The following SLC25A31 variants were observed in gnomAD, a reference collection of about 807,000 sequenced individuals.
SLC25A31 encodes ADP/ATP translocase 4.
A neutral mutation model predicts 36.2 loss-of-function variants in SLC25A31; 40 were observed. The observed-to-expected ratio is 1.10, with a 90% confidence interval of 0.86 to 1.44. The LOEUF (loss-of-function observed/expected upper bound fraction) is 1.44, where lower values mean the gene tolerates loss of function less well. SLC25A31 is among the 40% of genes most tolerant of loss of function. The pLI, the probability that SLC25A31 is intolerant of heterozygous loss-of-function variation, is 0.00. For synonymous variants in SLC25A31, 143 were observed against 149.7 expected (o/e 0.96, Z 0.32); for missense variants, 350 against 397.1 (o/e 0.88, Z 1.01).
rs185874606 is a variant in SLC25A31 at position 127,757,967 on chromosome 4, G to A, written c.361-6276G>A. 9.7e-4 allele frequency among the ~76,000 whole-genome samples: 147 copies of A among 152,240 alleles called. 2 individuals are homozygous for A. Among genetic ancestry groups the A allele is most frequent in the African/African-American group, 3.4e-3 (140 of 41,550 alleles). On this transcript the variant is annotated intron_variant, in intron 2 of 5. Coordinates refer to ENST00000281154, the MANE Select transcript of SLC25A31 (RefSeq NM_031291.4). ...TTGGACTTACAGTTCCACATGGCTGGGGAGGCCTCAGAATCGTGGTGGGTG... is the reference window on the plus strand; with the variant it reads ...TTGGACTTACAGTTCCACATGGCTGAGGAGGCCTCAGAATCGTGGTGGGTG...
At chr4:127,737,647 GGT>G (rs1731657742) in intron 1 of SLC25A31, among the ~76,000 whole-genome samples, 1 of 151,638 alleles carries the variant, frequency 6.6e-6, no homozygotes, top group African/African-American at 2.4e-5. Flanking sequence ...CTGGAGTTTT[GGT>G]GTTCAAGAAC....
chr4:127,766,748 C>A (rs1197849722), intron 3 of SLC25A31, among the ~76,000 whole-genome samples: 1 of 152,222 alleles, frequency 6.6e-6, no homozygotes, highest in Non-Finnish European at 1.5e-5. Flanking sequence ...CAGGCATGAA[C>A]CATCTCACCT....
At chr4:127,771,602 T>G (rs1732362383) in intron 5 of SLC25A31, among the ~76,000 whole-genome samples, 1 of 152,224 alleles carries the variant, frequency 6.6e-6, no homozygotes, top group Non-Finnish European at 1.5e-5. Context: ...TTATTTCTCT[T>G]TCTTGCCTTT....
chr4:127,751,488 A>G (rs1171221944), intron 2 of SLC25A31, among the ~76,000 whole-genome samples: 4 of 152,200 alleles, frequency 2.6e-5, no homozygotes, highest in African/African-American at 4.8e-5. Flanking sequence ...AACCTAGGCA[A>G]TACCATTCTG....
intron 2 of SLC25A31, among the ~76,000 whole-genome samples, chr4:127,746,260 A>T (rs765645335): frequency 6.6e-5 from 10 of 152,206 alleles, no homozygotes; most frequent in Non-Finnish European, 1.5e-4. Context: ...TAGTGCTACA[A>T]TGAACATTCA....
Position 127,770,030 on chromosome 4 carries a change from T to C in SLC25A31, c.759+1153T>C, listed in dbSNP as rs375121363. ...AAATTCTCAAAACACTGAGGTGTAGTTCCTATCATTATCCTCATTTTTATT... is the reference window on the plus strand; with the variant it reads ...AAATTCTCAAAACACTGAGGTGTAGCTCCTATCATTATCCTCATTTTTATT... On this transcript the variant is annotated intron_variant, in intron 5 of 5. Coordinates refer to ENST00000281154, the MANE Select transcript of SLC25A31 (RefSeq NM_031291.4). Among the ~76,000 whole-genome samples the C allele has an allele frequency of 5.9e-5, 9 of 152,326 alleles. No homozygotes were observed. In the East Asian group the frequency reaches 7.7e-4, roughly 13 times the overall value.
rs1362718828 is a variant in SLC25A31 at position 127,744,769 on chromosome 4, A to G, written c.330A>G (p.Leu110=). Residue 110 remains leucine (L), a synonymous_variant, in exon 2 of 6, where the codon CTA becomes CTG. Transcript: ENST00000281154. ...NFAFKDKYKQ[L]FMSGVNKEKQ... ...CTTTTAAGGACAAATACAAGCAGCT[A>G]TTCATGTCTGGAGTTAATAAAGAAA... 6.3e-7 allele frequency: 1 copy of G among 1,585,180 alleles called. No homozygotes were observed. The highest frequency in any genetic ancestry group is 8.6e-7 in the Non-Finnish European group (1 of 1,160,406).
At position 127,733,843 on chromosome 4, in the gene SLC25A31, T is replaced by C. The variant is rs116381292; in HGVS notation, c.232+3066T>C. On this transcript the variant is annotated intron_variant, in intron 1 of 5. Transcript: ENST00000281154. ...ACAGAATGCACAACTAGATGCTCTCTAGTTTCTTACCTTATCTCTACTTTC... is the reference window on the plus strand; with the variant it reads ...ACAGAATGCACAACTAGATGCTCTCCAGTTTCTTACCTTATCTCTACTTTC... Among the ~76,000 whole-genome samples the C allele has an allele frequency of 2.6e-3, 399 of 152,324 alleles. 1 individual carries two copies. Among genetic ancestry groups the C allele is most frequent in the South Asian group, 0.012 (60 of 4,828 alleles).
At chr4:127,737,655 A>G (rs1208585356) in intron 1 of SLC25A31, among the ~76,000 whole-genome samples, 3 of 152,066 alleles carry the variant, frequency 2.0e-5, no homozygotes, top group South Asian at 2.1e-4. Flanking sequence ...TTGGTGTTCA[A>G]GAACTCCCAC....
At chr4:127,769,102 AT>A (rs1732302627) in intron 5 of SLC25A31, among the ~76,000 whole-genome samples, 2 of 152,152 alleles carry the variant, frequency 1.3e-5, no homozygotes, top group African/African-American at 4.8e-5. Context: ...AATGCCTACT[AT>A]TCCTGTAGCA....
chr4:127,756,081 T>C (rs948544818), intron 2 of SLC25A31, among the ~76,000 whole-genome samples: 3 of 151,740 alleles, frequency 2.0e-5, no homozygotes, highest in Non-Finnish European at 4.4e-5. Context: ...ATCCCACTAC[T>C]GGGTTATATA....
chr4:127,742,667 ATC>A (rs1175422103), intron 1 of SLC25A31, among the ~76,000 whole-genome samples: 1 of 152,136 alleles, frequency 6.6e-6, no homozygotes, highest in Non-Finnish European at 1.5e-5. Flanking sequence ...AATTTTTATT[ATC>A]TCTCTCCTTC....
rs200485431 is a variant in SLC25A31, at chr4:127,764,228, A to G, written c.361-15A>G. On this transcript the variant is annotated splice_polypyrimidine_tract_variant and intron_variant, in intron 2 of 5. Coordinates refer to ENST00000281154, the MANE Select transcript of SLC25A31 (RefSeq NM_031291.4). Reference sequence around the variant, plus strand: ...TCTGTGGTTTAATAACCACTTTTAAATTAATATGTTTCAGTTCTGGAGGTG... The same window carrying G: ...TCTGTGGTTTAATAACCACTTTTAAGTTAATATGTTTCAGTTCTGGAGGTG... 1.7e-4 allele frequency: 275 copies of G among 1,606,288 alleles called. 2 individuals are homozygous for G. The African/African-American group carries it at 3.2e-3, about 19-fold the overall frequency.
chr4:127,764,118 G>A (rs150197584), intron 2 of SLC25A31, 125 bp from the exon 3 acceptor site: 1 of 748,248 alleles, frequency 1.3e-6, no homozygotes, highest in Non-Finnish European at 2.2e-6. Flanking sequence ...TATTATAGAT[G>A]TTTACTTTAT....
chr4:127,758,876 T>C (rs1484155456), intron 2 of SLC25A31, among the ~76,000 whole-genome samples: 2 of 152,198 alleles, frequency 1.3e-5, no homozygotes, highest in African/African-American at 2.4e-5. Flanking sequence ...TATTATAGCC[T>C]TGTAGTATAG....
intron 2 of SLC25A31, among the ~76,000 whole-genome samples, chr4:127,755,951 T>A (rs994446764): frequency 2.0e-5 from 3 of 151,898 alleles, no homozygotes; most frequent in Non-Finnish European, 4.4e-5. Flanking sequence ...GAGAATCGCT[T>A]GAACCCAGGA....
intron 5 of SLC25A31, among the ~76,000 whole-genome samples, chr4:127,769,443 G>A (rs1479678348): frequency 6.6e-6 from 1 of 152,120 alleles, no homozygotes; most frequent in Non-Finnish European, 1.5e-5. Context: ...GATGCTCAAG[G>A]GAAATGCCCA....
At chr4:127,746,294 A>C (rs1223181307) in intron 2 of SLC25A31, among the ~76,000 whole-genome samples, 3 of 152,090 alleles carry the variant, frequency 2.0e-5, no homozygotes, top group African/African-American at 7.2e-5. Flanking sequence ...TTATAGTAGA[A>C]TGATTTATGT....
chr4:127,769,653 T>G (rs1310958333), intron 5 of SLC25A31, among the ~76,000 whole-genome samples: 1 of 152,204 alleles, frequency 6.6e-6, no homozygotes, highest in Non-Finnish European at 1.5e-5. Flanking sequence ...AGACAAAATC[T>G]GCACCCAAAT....
Sources: allele counts gnomAD v4.1 joint callset (sites outside exome capture counted in the v4.1 genomes callset), GRCh38; gene constraint gnomAD v4.1.1; transcripts MANE v1.5; gene names NCBI Gene and HGNC (gene_info 2026-07-23, HGNC 2026-07-21).